PYGL: variants seen among roughly 807,000 people sequenced by gnomAD.
PYGL encodes glycogen phosphorylase L.
In PYGL, 90 loss-of-function variants were observed where a neutral mutation model predicts 100.1. That is an observed-to-expected ratio of 0.90 (90% CI 0.76 to 1.07). The LOEUF (loss-of-function observed/expected upper bound fraction) is 1.07. Among genes scored for constraint, PYGL ranks in the 50% least tolerant of loss-of-function variants. The pLI, the probability that PYGL is intolerant of heterozygous loss-of-function variation, is 0.00. For synonymous variants in PYGL, 373 were observed against 393.0 expected, an observed-to-expected ratio of 0.95 and a Z score of 0.60; for missense variants, 1,016 against 1,057.6, an observed-to-expected ratio of 0.96 and a Z score of 0.55.
chr14:50,908,848 A>G lies in PYGL; in HGVS notation c.2285T>C (p.Ile762Thr), dbSNP rs771062204. 1.3e-6 allele frequency: 2 copies of G among 1,567,416 alleles called. No homozygotes were observed. The highest frequency in any genetic ancestry group is 1.4e-5 in the African/African-American group (1 of 73,706). The change falls in exon 18 of 20, where the codon ATC (isoleucine) becomes ACC (threonine). Residue 762 changes from isoleucine to threonine, a missense_variant. Coordinates refer to ENST00000216392, the MANE Select transcript of PYGL (RefSeq NM_002863.5). ...SPKQPDLFKD[I>T]INMLFYHDRF... Reference sequence around the variant, plus strand: ...GTCATGATAAAATAGCATGTTGATGATATCTTTGAAGAGGTCAGGCTGCTT... The same window carrying G: ...GTCATGATAAAATAGCATGTTGATGGTATCTTTGAAGAGGTCAGGCTGCTT...
intron 6 of PYGL, 32 bp from the exon 7 acceptor site, chr14:50,920,655 G>C (rs766615215): frequency 6.4e-7 from 1 of 1,561,188 alleles, no homozygotes; most frequent in Admixed American, 1.7e-5. Flanking sequence ...AATAAATAGA[G>C]AAACCAGCCA....
chr14:50,913,890 G>A (rs969855720), intron 12 of PYGL, among the ~76,000 whole-genome samples: 6 of 151,954 alleles, frequency 3.9e-5, no homozygotes, highest in African/African-American at 1.5e-4. Flanking sequence ...TGGTGGTGGT[G>A]GGGGTGGGTC....
chr14:50,923,111 A>T (rs1012712197), intron 5 of PYGL: 1 of 152,126 alleles, frequency 6.6e-6, no homozygotes, highest in African/African-American at 2.4e-5. Context: ...TCTGCCCCCT[A>T]ACCTTGCCTC....
chr14:50,911,185 G>A (rs1305164312), intron 16 of PYGL, among the ~76,000 whole-genome samples: 6 of 152,240 alleles, frequency 3.9e-5, no homozygotes, highest in Non-Finnish European at 7.3e-5. Context: ...AAGAGAAAGG[G>A]ACACTGGCTT....
chr14:50,920,560 A>T lies in PYGL; in HGVS notation c.836T>A (p.Val279Asp), dbSNP rs1346615306. 2 of 1,612,448 alleles carry T rather than the reference A, an allele frequency of 1.2e-6. No homozygotes were observed. Among genetic ancestry groups the T allele is most frequent in the African/African-American group, 2.7e-5 (2 of 74,900 alleles). Residue 279 changes from valine to aspartate, a missense_variant, in exon 7 of 20, where the codon GTC becomes GAC. By Grantham distance (152) the Val-to-Asp change is radical. Transcript: ENST00000216392. ...ACTCACATTGTCATTGGGATAGAGG[A>T]CCCGGGAGATGTTCTCGGCCAGGTT... ...DRNLAENISR[V>D]LYPNDNFFEG...
intron 4 of PYGL, among the ~76,000 whole-genome samples, chr14:50,929,546 C>A (rs1311753266): frequency 6.6e-6 from 1 of 151,852 alleles, no homozygotes; most frequent in Non-Finnish European, 1.5e-5. Flanking sequence ...GGAAAATATA[C>A]CTGAGACAAA....
Position 50,940,070 on chromosome 14 carries a change from C to T in PYGL, c.244-2233G>A, listed in dbSNP as rs765444826. The stretch of plus-strand genomic sequence containing the variant: ...TATAATGCTGTTACTAGAACCCTCA[C>T]CAGCTATTAGATACCTTCGAATGAT... On this transcript the variant is annotated intron_variant, in intron 1 of 19. Coordinates refer to ENST00000216392, the MANE Select transcript of PYGL (RefSeq NM_002863.5). 3.0e-4 allele frequency among the ~76,000 whole-genome samples: 45 copies of T among 152,222 alleles called. 1 individual carries two copies. Among genetic ancestry groups the T allele is most frequent in the Admixed American group, 2.1e-3 (32 of 15,284 alleles).
intron 16 of PYGL, 54 bp from the exon 17 acceptor site, chr14:50,910,156 A>G: frequency 6.5e-7 from 1 of 1,534,404 alleles, no homozygotes; most frequent in Non-Finnish European, 9.0e-7. Flanking sequence ...ATCTGCTTGT[A>G]TTGTATTGAA....
Position 50,910,066 on chromosome 14 carries a change from G to A in PYGL, c.2006C>T (p.Thr669Ile), listed in dbSNP as rs531430985. 90 of 1,614,170 alleles carry A rather than the reference G, an allele frequency of 5.6e-5. No individual in the cohort carries two copies. The South Asian group carries it at 9.3e-4, about 17-fold the overall frequency. The change falls in exon 17 of 20, where the codon ACT becomes ATT. Residue 669 changes from threonine (T) to isoleucine (I), a missense_variant. Coordinates refer to ENST00000216392, the MANE Select transcript of PYGL (RefSeq NM_002863.5). ...PATDLSEQIS[T>I]AGTEASGTGN... Reference sequence around the variant, plus strand: ...TGTCCCCGAGGCTTCGGTGCCTGCAGTGGAAATCTGCTCTGACAGATCTGT... The same window carrying A: ...TGTCCCCGAGGCTTCGGTGCCTGCAATGGAAATCTGCTCTGACAGATCTGT...
At chr14:50,932,364 CT>C in intron 3 of PYGL, among the ~76,000 whole-genome samples, 1 of 152,318 alleles carries the variant, frequency 6.6e-6, no homozygotes, top group African/African-American at 2.4e-5. Flanking sequence ...GTCTAATCTG[CT>C]AAGCCAATCA....
At chr14:50,914,576 G>T in intron 12 of PYGL, 125 bp downstream of exon 12, 1 of 728,230 alleles carries the variant, frequency 1.4e-6, no homozygotes, top group Non-Finnish European at 2.4e-6. Flanking sequence ...AGTCCTGTGT[G>T]ACTGCACAAA....
At chr14:50,937,958 A>G (rs2050670234) in intron 1 of PYGL, 121 bp from the exon 2 acceptor site, 1 of 887,866 alleles carries the variant, frequency 1.1e-6, no homozygotes, top group African/African-American at 1.6e-5. Flanking sequence ...ATGTCACCAC[A>G]GGTTCGAATG....
intron 6 of PYGL, 62 bp downstream of exon 6, chr14:50,920,894 T>C (rs2050493920): frequency 1.3e-6 from 2 of 1,489,996 alleles, no homozygotes; most frequent in Non-Finnish European, 1.9e-6. Context: ...AATTTGGTTC[T>C]AACTACCAAT....
rs2050460015 is a variant in PYGL, at chr14:50,917,064, A to G, written c.897T>C (p.Phe299=). 1 of 1,613,852 alleles carries G rather than the reference A, an allele frequency of 6.2e-7. No individual in the cohort carries two copies. Residue 299 remains phenylalanine, a synonymous_variant, in exon 8 of 20, where the codon TTT becomes TTC. Transcript: ENST00000216392. ...TATCTTGCAAGGTTGCAGCCACCAC[A>G]AAGTATTCCTGCTTCAATCTTAGCT... ...GKELRLKQEY[F]VVAATLQDII...
In PYGL at chr14:50,931,841, C is replaced by G. The variant is rs957729648; in HGVS notation, c.425-65G>C. On this transcript the variant is annotated intron_variant, in intron 3 of 19. Coordinates refer to ENST00000216392, the MANE Select transcript of PYGL (RefSeq NM_002863.5). ...AGCTGAGCCAAAATTTCCAGTCTTTCCCTAAAACACATGGCAGCCACAAAA... is the reference window on the plus strand; with the variant it reads ...AGCTGAGCCAAAATTTCCAGTCTTTGCCTAAAACACATGGCAGCCACAAAA... The G allele has an allele frequency of 5.3e-6, 7 of 1,309,916 alleles. No homozygotes were observed. In the African/African-American group the frequency reaches 5.8e-5, roughly 11 times the overall value. The allele number at this position is 1,309,916 out of a possible 1,614,324, so 81.1% of individuals were successfully genotyped here.
intron 1 of PYGL, among the ~76,000 whole-genome samples, chr14:50,939,121 A>G (rs1274843989): frequency 1.3e-5 from 2 of 152,080 alleles, no homozygotes; most frequent in African/African-American, 4.8e-5. Context: ...GCTCACTGCA[A>G]CCTCTGTCTC....
At chr14:50,911,591 C>T (rs377382483) in intron 16 of PYGL, 139 bp downstream of exon 16, 42 of 1,116,992 alleles carry the variant, frequency 3.8e-5, no homozygotes, top group East Asian at 2.0e-4. Context: ...AACCTCTTAC[C>T]GTAGGCCCTT....
chr14:50,942,387 C>T (rs558515144), intron 1 of PYGL, among the ~76,000 whole-genome samples: 1 of 140,278 alleles, frequency 7.1e-6, no homozygotes, highest in South Asian at 2.5e-4. Context: ...CTCTATGATG[C>T]TAAATGCTAC....
chr14:50,939,594 G>C (rs1025222358), intron 1 of PYGL, among the ~76,000 whole-genome samples: 6 of 147,726 alleles, frequency 4.1e-5, no homozygotes, highest in East Asian at 2.0e-4. Context: ...AAAAAAAAAA[G>C]CACCAGTGAG....
Sources: allele counts gnomAD v4.1 joint callset (sites outside exome capture counted in the v4.1 genomes callset), GRCh38; gene constraint gnomAD v4.1.1; transcripts MANE v1.5; gene names NCBI Gene and HGNC (gene_info 2026-07-23, HGNC 2026-07-21).